The following CHST15 variants were observed in gnomAD, a reference collection of about 807,000 sequenced individuals.
The protein encoded by CHST15 is carbohydrate sulfotransferase 15, also known as B cell RAG associated protein (GALNAC4S-6ST).
CHST15 carries 30 observed loss-of-function variants against 53.6 expected under a neutral mutation model. The observed-to-expected ratio is 0.56, with a 90% CI of 0.42 to 0.76. The LOEUF is 0.76. CHST15 is among the 30% of genes least tolerant of loss of function. The pLI is 0.00. For missense variants in CHST15, 627 were observed against 740.5 expected (o/e 0.85, Z 1.78); for synonymous variants, 296 against 289.8 (o/e 1.02, Z -0.22).
At chr10:124,010,740 A>T (rs1325292729) in intron 7 of CHST15, 19 of 985,450 alleles carry the variant, frequency 1.9e-5, no homozygotes, top group Non-Finnish European at 2.3e-5. Context: ...CCTGCTCAGC[A>T]GCCCTCTGGA....
chr10:124,057,310 G>A (rs1206718682), intron 1 of CHST15, among the ~76,000 whole-genome samples: 2 of 152,218 alleles, frequency 1.3e-5, no homozygotes, highest in African/African-American at 4.8e-5. Context: ...ATTTTGCAGT[G>A]AGCGTTGACT....
At chr10:124,042,574 A>G in intron 3 of CHST15, 127 bp from the exon 4 acceptor site, 2 of 1,027,692 alleles carry the variant, frequency 1.9e-6, no homozygotes, top group Non-Finnish European at 2.8e-6. Context: ...CAAGAGGCTC[A>G]GCCCAGGTAA....
chr10:124,044,050 C>T (rs186307796), intron 3 of CHST15, among the ~76,000 whole-genome samples: 1 of 151,348 alleles, frequency 6.6e-6, no homozygotes, highest in East Asian at 1.9e-4. Context: ...AGCCAAGGAA[C>T]AGCACAGAGC....
In CHST15 at chr10:124,044,783, G is replaced by T; in HGVS notation, c.683C>A (p.Thr228Asn). 1.2e-6 allele frequency: 2 copies of T among 1,610,876 alleles called. No individual in the cohort carries two copies. Among genetic ancestry groups the T allele is most frequent in the Non-Finnish European group, 1.7e-6 (2 of 1,178,312 alleles). ...GAAGGCCTTGCGCAGGGCGTCGAAG[G>T]TGGAGCGGAAGCGCTTGGAGTAGAG... ...YVLYSKRFRS[T>N]FDALRKAFWG... The change falls in exon 3 of 8, where the codon ACC becomes AAC. Residue 228 changes from threonine to asparagine, a missense_variant. Transcript: ENST00000435907.
In CHST15 at chr10:124,008,466, G is replaced by A. The variant is rs41307066; in HGVS notation, c.*1683C>T. The A allele has an allele frequency of 5.1e-3, 5,043 of 990,808 alleles. 21 individuals carry two copies. The highest frequency in any genetic ancestry group is 5.7e-3 in the Non-Finnish European group (4,785 of 833,034). 61.4% of individuals were successfully genotyped at this position (990,808 alleles called of 1,614,324 possible). On this transcript the variant is annotated 3_prime_UTR_variant, in exon 8 of 8. Transcript: ENST00000435907. ...CCTGCTGGCGGCTGCTCCCAGTGCC[G>A]GCTATAGAGAAGGTGGGGACTGTCC...
chr10:124,050,852 G>A (rs1948165215), intron 1 of CHST15, among the ~76,000 whole-genome samples: 1 of 152,120 alleles, frequency 6.6e-6, no homozygotes, highest in African/African-American at 2.4e-5. Context: ...GAAACCTGAT[G>A]GGAGAGGAGG....
intron 3 of CHST15, 67 bp from the exon 4 acceptor site, chr10:124,042,514 G>C: frequency 6.4e-7 from 1 of 1,559,606 alleles, no homozygotes. Context: ...TGGCCTCCCA[G>C]ACAGCAACCA....
At chr10:124,035,130 A>ACCCCGGCTCCGCCCCCTAACAGGGAC (rs1947419549) in intron 5 of CHST15, among the ~76,000 whole-genome samples, 1 of 128,014 alleles carries the variant, frequency 7.8e-6, no homozygotes, top group Non-Finnish European at 1.6e-5. Context: ...CCTAACAGGG[A>ACCCCGGCTCCGCCCCCTAACAGGGAC]CCCCGGCTCC....
chr10:124,016,991 A>G (rs571712255), intron 6 of CHST15, among the ~76,000 whole-genome samples: 2 of 152,100 alleles, frequency 1.3e-5, no homozygotes, highest in South Asian at 4.1e-4. Flanking sequence ...GCAGGGGCAC[A>G]CCCTCCCTTC....
intron 1 of CHST15, among the ~76,000 whole-genome samples, chr10:124,050,331 T>C (rs1433473806): frequency 6.6e-6 from 1 of 151,882 alleles, no homozygotes; most frequent in Non-Finnish European, 1.5e-5. Context: ...TATAAAGAAG[T>C]CCCAAATGAA....
In CHST15 at chr10:124,010,050, T is replaced by C; in HGVS notation, c.*99A>G. ...CCTAGAGTGGCAGAGTCCTGGGGTT[T>C]TCCATACCATGAGTGAAACAGTTCC... On this transcript the variant is annotated 3_prime_UTR_variant, in exon 8 of 8. Transcript: ENST00000435907. 1 of 1,595,174 alleles carries C rather than the reference T, an allele frequency of 6.3e-7. No individual in the cohort carries two copies. The highest frequency in any genetic ancestry group is 8.5e-7 in the Non-Finnish European group (1 of 1,171,564).
chr10:124,025,676 C>A (rs928077812), intron 5 of CHST15, among the ~76,000 whole-genome samples: 1 of 152,190 alleles, frequency 6.6e-6, no homozygotes. Flanking sequence ...GAAATAGGGT[C>A]TTTGCAGATG....
At chr10:124,025,341 CT>C (rs1946955607) in intron 5 of CHST15, among the ~76,000 whole-genome samples, 1 of 152,186 alleles carries the variant, frequency 6.6e-6, no homozygotes, top group Non-Finnish European at 1.5e-5. Flanking sequence ...ACCTCACTTC[CT>C]GTGAGTCACA....
chr10:124,042,993 C>T (rs1385359253), intron 3 of CHST15, among the ~76,000 whole-genome samples: 1 of 152,202 alleles, frequency 6.6e-6, no homozygotes, highest in Admixed American at 6.5e-5. Flanking sequence ...TTTGTCCAAA[C>T]AGTAAGGGGA....
chr10:124,008,939 A>T lies in CHST15; in HGVS notation c.*1210T>A, dbSNP rs1444072816. On this transcript the variant is annotated 3_prime_UTR_variant, in exon 8 of 8. Coordinates refer to ENST00000435907, the MANE Select transcript of CHST15 (RefSeq NM_001270764.2). Reference sequence around the variant, plus strand: ...GCTGCCAAGTGGCCTGGAAAATTCCATGAAGAACACGGCTCTTAGAAACCT... The same window carrying T: ...GCTGCCAAGTGGCCTGGAAAATTCCTTGAAGAACACGGCTCTTAGAAACCT... 2.3e-6 allele frequency: 3 copies of T among 1,288,940 alleles called. No homozygotes were observed. The highest frequency in any genetic ancestry group is 5.6e-5 in the East Asian group (1 of 18,004). The allele number at this position is 1,288,940 out of a possible 1,614,324, so 79.8% of individuals were successfully genotyped here.
intron 4 of CHST15, among the ~76,000 whole-genome samples, chr10:124,040,580 G>A (rs1203279960): frequency 6.6e-6 from 1 of 152,194 alleles, no homozygotes; most frequent in Non-Finnish European, 1.5e-5. Flanking sequence ...AGATCCTGCT[G>A]TTTCTGCCCC....
rs750910183 is a variant in CHST15 at position 124,045,837 on chromosome 10, C to T, written c.376G>A (p.Glu126Lys). 16 of 1,613,600 alleles carry T rather than the reference C, an allele frequency of 9.9e-6. No homozygotes were observed. Among genetic ancestry groups the T allele is most frequent in the African/African-American group, 1.3e-5 (1 of 74,764 alleles). The change falls in exon 2 of 8, where the codon GAA (glutamate) becomes AAA (lysine). Residue 126 changes from glutamate (E) to lysine (K), a missense_variant. Transcript: ENST00000435907. ...TGCTCCTTTGTGTCACTTGGGTTTT[C>T]GCTGTCCATCAAGCTGGGGTTGCTG... ...FPSNPSLMDS[E>K]NPSDTKEHHH...
intron 6 of CHST15, chr10:124,020,417 C>T: frequency 2.0e-6 from 2 of 985,528 alleles, no homozygotes; most frequent in Non-Finnish European, 2.4e-6. Flanking sequence ...CTACAAAGTC[C>T]AACAGGGCAG....
intron 1 of CHST15, among the ~76,000 whole-genome samples, chr10:124,081,094 T>A (rs1949219467): frequency 6.6e-6 from 1 of 152,222 alleles, no homozygotes. Flanking sequence ...CCACCACTGC[T>A]ACCAAGTGAT....
Sources: allele counts gnomAD v4.1 joint callset (sites outside exome capture counted in the v4.1 genomes callset), GRCh38; gene constraint gnomAD v4.1.1; transcripts MANE v1.5; gene names NCBI Gene and HGNC (gene_info 2026-07-23, HGNC 2026-07-21).